Variants in ADAMTSL1 observed in about 807,000 individuals in gnomAD.
The protein encoded by ADAMTSL1 is ADAMTS-like protein 1.
In ADAMTSL1, 126 loss-of-function variants were observed where a neutral mutation model predicts 201.8. The observed-to-expected ratio is 0.62, with a 90% confidence interval of 0.54 to 0.72. ADAMTSL1 has a LOEUF of 0.72. Among genes scored for constraint, ADAMTSL1 ranks in the 30% least tolerant of loss-of-function variants. The pLI is 0.00. For missense variants in ADAMTSL1, 2,679 were observed against 2,277.8 expected (o/e 1.18, Z -3.59); for synonymous variants, 1,121 against 903.4 (o/e 1.24, Z -4.32).
chr9:18,444,885 G>C (rs1820129618), intron 2 of ADAMTSL1, among the ~76,000 whole-genome samples: 1 of 152,090 alleles, frequency 6.6e-6, no homozygotes, highest in South Asian at 2.1e-4. Flanking sequence ...TAACACTGTT[G>C]AGCACTTAAT....
At chr9:18,885,736 AG>A (rs1259227456) in intron 23 of ADAMTSL1, among the ~76,000 whole-genome samples, 3 of 152,132 alleles carry the variant, frequency 2.0e-5, no homozygotes, top group African/African-American at 7.2e-5. Flanking sequence ...CTACTACCTC[AG>A]GAAAAACAAA....
intron 9 of ADAMTSL1, among the ~76,000 whole-genome samples, chr9:18,673,497 C>A (rs1327345368): frequency 1.3e-5 from 2 of 152,216 alleles, no homozygotes; most frequent in Non-Finnish European, 2.9e-5. Flanking sequence ...TTTGCTGAAT[C>A]CAGGTTTAAA....
chr9:18,460,251 A>G (rs1433410781), intron 2 of ADAMTSL1, among the ~76,000 whole-genome samples: 1 of 152,226 alleles, frequency 6.6e-6, no homozygotes, highest in Non-Finnish European at 1.5e-5. Context: ...AAAGTTTTTC[A>G]AAATAGTAAA....
intron 13 of ADAMTSL1, among the ~76,000 whole-genome samples, chr9:18,699,979 A>C (rs1831827324): frequency 6.6e-6 from 1 of 152,220 alleles, no homozygotes; most frequent in South Asian, 2.1e-4. Context: ...ATTTATTTGC[A>C]GTTCCAGAGA....
At chr9:18,148,634 T>G (rs1204810574) in intron 1 of ADAMTSL1, among the ~76,000 whole-genome samples, 1 of 152,046 alleles carries the variant, frequency 6.6e-6, no homozygotes, top group Non-Finnish European at 1.5e-5. Flanking sequence ...TTGATAACAG[T>G]TGATGATTAG....
intron 3 of ADAMTSL1, among the ~76,000 whole-genome samples, chr9:18,555,203 A>G (rs573694701): frequency 2.0e-5 from 3 of 151,932 alleles, no homozygotes; most frequent in South Asian, 2.1e-4. Flanking sequence ...CTTGCCGTTC[A>G]TAGACTTTAT....
chr9:18,720,346 AGTT>A (rs1434700075), intron 14 of ADAMTSL1, among the ~76,000 whole-genome samples: 1 of 152,232 alleles, frequency 6.6e-6, no homozygotes, highest in Non-Finnish European at 1.5e-5. Context: ...TACTTTGTGC[AGTT>A]GTTGAGAGGA....
chr9:18,688,146 G>A (rs1361774572), intron 13 of ADAMTSL1, among the ~76,000 whole-genome samples: 2 of 144,770 alleles, frequency 1.4e-5, no homozygotes, highest in Non-Finnish European at 3.0e-5. Context: ...ATATAGAAAC[G>A]TAGTCTCACT....
At chr9:18,599,746 A>C (rs1019479563) in intron 4 of ADAMTSL1, among the ~76,000 whole-genome samples, 1 of 151,658 alleles carries the variant, frequency 6.6e-6, no homozygotes, top group Non-Finnish European at 1.5e-5. Context: ...TTCTGTAAAA[A>C]TTTGAATTAG....
chr9:18,464,274 A>G (rs932263287), intron 2 of ADAMTSL1, among the ~76,000 whole-genome samples: 3 of 152,046 alleles, frequency 2.0e-5, no homozygotes, highest in African/African-American at 4.8e-5. Context: ...CTATAATACA[A>G]CCCCTCTCCC....
chr9:18,904,878 T>C (rs1830215658), intron 26 of ADAMTSL1, among the ~76,000 whole-genome samples: 1 of 151,852 alleles, frequency 6.6e-6, no homozygotes, highest in East Asian at 1.9e-4. Context: ...TTACCTTAAA[T>C]CCTGCTCTTT....
At chr9:18,618,546 A>G (rs1825840881) in intron 4 of ADAMTSL1, among the ~76,000 whole-genome samples, 1 of 151,838 alleles carries the variant, frequency 6.6e-6, no homozygotes. Flanking sequence ...AAACAAAATA[A>G]TAGTGGCTTA....
In ADAMTSL1 at chr9:18,826,475, A is replaced by C. The variant is rs1311140749; in HGVS notation, c.4114+12A>C. Reference sequence around the variant, plus strand: ...GCTGCTGATCCTAGGTAAACACTTCAAAGCTGGCTGCCTCTGCTGCACCCT... The same window carrying C: ...GCTGCTGATCCTAGGTAAACACTTCCAAGCTGGCTGCCTCTGCTGCACCCT... On this transcript the variant is annotated intron_variant, in intron 22 of 28. Transcript: ENST00000380548. 6.2e-7 allele frequency: 1 copy of C among 1,607,950 alleles called. No homozygotes were observed. Among genetic ancestry groups the C allele is most frequent in the Non-Finnish European group, 8.5e-7 (1 of 1,177,120 alleles).
chr9:18,529,891 A>G (rs1485369788), intron 2 of ADAMTSL1, among the ~76,000 whole-genome samples: 2 of 152,216 alleles, frequency 1.3e-5, no homozygotes, highest in African/African-American at 2.4e-5. Flanking sequence ...TTTGGAAATT[A>G]TGACAAGTGG....
intron 1 of ADAMTSL1, among the ~76,000 whole-genome samples, chr9:18,497,956 T>G (rs1822615542): frequency 1.3e-5 from 2 of 152,238 alleles, no homozygotes; most frequent in South Asian, 4.1e-4. Context: ...TCCTAAAAAG[T>G]GATGAAGCTG....
intron 25 of ADAMTSL1, chr9:18,890,554 C>CTGAG (rs1563892846): frequency 2.2e-6 from 1 of 455,876 alleles, no homozygotes; most frequent in Admixed American, 2.3e-5. Flanking sequence ...GTTTTGCCAG[C>CTGAG]TGAGTCATAA....
intron 2 of ADAMTSL1, among the ~76,000 whole-genome samples, chr9:18,178,755 A>C (rs1453141528): frequency 2.2e-4 from 33 of 151,936 alleles, no homozygotes; most frequent in Non-Finnish European, 3.8e-4. Context: ...AGGCACCCCC[A>C]AGCAGGGGCA....
intron 2 of ADAMTSL1, among the ~76,000 whole-genome samples, chr9:18,412,241 T>C (rs1212884161): frequency 1.3e-5 from 2 of 152,200 alleles, no homozygotes; most frequent in African/African-American, 4.8e-5. Context: ...GAACTGTGCT[T>C]TTCCTATTGC....
chr9:18,062,427 T>C (rs932581814), intron 1 of ADAMTSL1, among the ~76,000 whole-genome samples: 1 of 152,308 alleles, frequency 6.6e-6, no homozygotes. Context: ...ATAAATATAA[T>C]ATTTTAAGTA....
Sources: allele counts gnomAD v4.1 joint callset (sites outside exome capture counted in the v4.1 genomes callset), GRCh38; gene constraint gnomAD v4.1.1; transcripts MANE v1.5; gene names NCBI Gene and HGNC (gene_info 2026-07-23, HGNC 2026-07-21).